The following PTCD3 variants were observed in gnomAD, a reference collection of about 807,000 sequenced individuals.
PTCD3 encodes small ribosomal subunit protein mS39.
In PTCD3, 89 loss-of-function variants were observed where a neutral mutation model predicts 101.9. That is an observed-to-expected ratio of 0.87 (90% CI 0.74 to 1.04). The LOEUF (loss-of-function observed/expected upper bound fraction) is 1.04. PTCD3 is among the 50% of genes least tolerant of loss of function. The pLI is 0.00. For missense variants in PTCD3, 870 were observed against 828.2 expected (o/e 1.05, Z -0.62); for synonymous variants, 296 against 278.5 (o/e 1.06, Z -0.63).
rs1371254331 is a variant in PTCD3 at position 86,137,525 on chromosome 2, G to C, written c.2036G>C (p.Ser679Thr). The C allele has an allele frequency of 6.2e-7, 1 of 1,613,956 alleles. No individual in the cohort carries two copies. The highest frequency in any genetic ancestry group is 2.2e-5 in the East Asian group (1 of 44,874). The change falls in exon 24 of 24, where the codon AGT becomes ACT. Residue 679 changes from serine to threonine, a missense_variant. Coordinates refer to ENST00000254630, the MANE Select transcript of PTCD3 (RefSeq NM_017952.6). ...AGTGACAGTGATACTGACAGCAGCA[G>C]TGACAGCGACAGTGACACCAGTGAA... Reference protein sequence around the residue: ...LTSDSDTDSSSDSDSDTSEGK With the variant: ...LTSDSDTDSSTDSDSDTSEGK
rs1190144960 is a variant in PTCD3 at position 86,133,497 on chromosome 2, T to C, written c.1543+61T>C. The C allele has an allele frequency of 2.8e-6, 4 of 1,440,312 alleles. No individual in the cohort carries two copies. In the African/African-American group the frequency reaches 4.2e-5, roughly 15 times the overall value. 89.2% of individuals were successfully genotyped at this position (1,440,312 alleles called of 1,614,324 possible). On this transcript the variant is annotated intron_variant, in intron 19 of 23. Coordinates refer to ENST00000254630, the MANE Select transcript of PTCD3 (RefSeq NM_017952.6). ...ACCTCAATATCCTCTACTTTGATAA[T>C]GAATGTGCTAACATTACTGTTAGGG...
chr2:86,128,102 G>A, intron 14 of PTCD3, 111 bp downstream of exon 14: 1 of 971,572 alleles, frequency 1.0e-6, no homozygotes, highest in Non-Finnish European at 1.6e-6. Context: ...TAAGAAGAGA[G>A]AATTTGTAAA....
rs56955251 is a variant in PTCD3, at chr2:86,111,175, G to GT, written c.240+26dup. The GT allele has an allele frequency of 0.035, 55,686 of 1,590,840 alleles. 1,044 individuals are homozygous for GT. Among genetic ancestry groups the GT allele is most frequent in the East Asian group, 0.12 (5,163 of 44,452 alleles). On this transcript the variant is annotated intron_variant, in intron 4 of 23. Transcript: ENST00000254630. ...GTAAACAGGGTAAGTAGGATTTTGT[G>GT]TTTTTTTTTAACCTAAAACTTGGCT...
At chr2:86,117,411 T>G (rs1674194839) in intron 6 of PTCD3, among the ~76,000 whole-genome samples, 1 of 152,126 alleles carries the variant, frequency 6.6e-6, no homozygotes, top group Admixed American at 6.5e-5. Context: ...ATTCTATGAC[T>G]GAAGTTTCCT....
chr2:86,136,678 G>A lies in PTCD3; in HGVS notation c.1820+116G>A, dbSNP rs983162011. 1.3e-4 allele frequency: 154 copies of A among 1,214,432 alleles called. No homozygotes were observed. The African/African-American group carries it at 2.0e-3, about 16-fold the overall frequency. 75.2% of individuals were successfully genotyped at this position (1,214,432 alleles called of 1,614,324 possible). A position where few individuals can be genotyped will look rare whatever the true frequency, so the allele number is the denominator to read the frequency against. The stretch of plus-strand genomic sequence containing the variant: ...CACTCTTCTGTTAGGCAAGCATACC[G>A]TCAACTCCCTACTATCCAGGGCATC... On this transcript the variant is annotated intron_variant, in intron 22 of 23. Coordinates refer to ENST00000254630, the MANE Select transcript of PTCD3 (RefSeq NM_017952.6).
chr2:86,126,207 G>A (rs1206930990), intron 12 of PTCD3, among the ~76,000 whole-genome samples: 1 of 144,192 alleles, frequency 6.9e-6, no homozygotes, highest in African/African-American at 2.5e-5. Flanking sequence ...TCCAGCCTGG[G>A]CAACAGAGCA....
chr2:86,137,052 G>A lies in PTCD3; in HGVS notation c.1891G>A (p.Val631Ile), dbSNP rs1463227128. The A allele has an allele frequency of 6.2e-7, 1 of 1,613,874 alleles. No individual in the cohort carries two copies. Among genetic ancestry groups the A allele is most frequent in the Non-Finnish European group, 8.5e-7 (1 of 1,179,936 alleles). Residue 631 changes from valine (V) to isoleucine (I), a missense_variant, in exon 23 of 24, where the codon GTA becomes ATA. Transcript: ENST00000254630. ...SNSPSQAIEV[V>I]ELASAFSLPI... ...CAGCCCTTCCCAGGCCATTGAAGTA[G>A]TAGAGCTGGCAAGTGCCTTCAGCTT...
At chr2:86,107,325 G>T (rs559809201) in intron 1 of PTCD3, 20 of 417,122 alleles carry the variant, frequency 4.8e-5, no homozygotes, top group South Asian at 1.2e-4. Flanking sequence ...AGTGTGACTT[G>T]AAAGAGTTGA....
intron 1 of PTCD3, among the ~76,000 whole-genome samples, chr2:86,108,053 G>A (rs926645690): frequency 4.6e-5 from 7 of 151,776 alleles, no homozygotes; most frequent in African/African-American, 7.3e-5. Flanking sequence ...TTGAGCCCAG[G>A]AGTTCAAGGG....
rs1309456346 is a variant in PTCD3 at position 86,111,418 on chromosome 2, C to T, written c.240+260C>T. Among the ~76,000 whole-genome samples the T allele has an allele frequency of 3.3e-5, 5 of 151,972 alleles. No homozygotes were observed. In the East Asian group the frequency reaches 9.7e-4, roughly 29 times the overall value. On this transcript the variant is annotated intron_variant, in intron 4 of 23. Transcript: ENST00000254630. ...CCTGGCTAACACAGTGAAACCCCGT[C>T]TCTACTGAAAATATAAAAAATTAGC... is the stretch of plus-strand genomic sequence containing the variant.
chr2:86,125,925 T>C (rs1298399924), intron 12 of PTCD3, 45 bp downstream of exon 12: 2 of 1,354,426 alleles, frequency 1.5e-6, no homozygotes, highest in East Asian at 2.3e-5. Flanking sequence ...GCTTAAATAC[T>C]CTTTACCAGA....
At chr2:86,112,039 A>C (rs1476389143) in intron 4 of PTCD3, 1 of 123,704 alleles carries the variant, frequency 8.1e-6, no homozygotes, top group Non-Finnish European at 1.7e-5. Flanking sequence ...CCACTGCGCC[A>C]AACTTTTTTT....
chr2:86,113,680 G>T (rs1219897371), intron 4 of PTCD3, among the ~76,000 whole-genome samples: 3 of 151,984 alleles, frequency 2.0e-5, no homozygotes, highest in African/African-American at 4.8e-5. Context: ...GGTAGTATGC[G>T]CCTGTAGTCC....
chr2:86,134,704 A>C (rs918670645), intron 20 of PTCD3, 135 bp from the exon 21 acceptor site: 46 of 1,009,704 alleles, frequency 4.6e-5, no homozygotes, highest in Non-Finnish European at 6.3e-5. Flanking sequence ...TTATTAAATT[A>C]CTTGTGTGCT....
At chr2:86,119,268 C>G in intron 7 of PTCD3, 1 of 555,780 alleles carries the variant, frequency 1.8e-6, no homozygotes. Context: ...TATTGTAGCA[C>G]TGGTAGAGAA....
At chr2:86,128,725 T>C (rs565345565) in intron 14 of PTCD3, among the ~76,000 whole-genome samples, 2 of 152,314 alleles carry the variant, frequency 1.3e-5, no homozygotes, top group Non-Finnish European at 2.9e-5. Flanking sequence ...CTCTGCTCTG[T>C]AGTAGATGGA....
chr2:86,138,380 G>A lies in PTCD3; in HGVS notation c.*821G>A, dbSNP rs902722644. 2.0e-5 allele frequency: 3 copies of A among 152,154 alleles called. No individual in the cohort carries two copies. Among genetic ancestry groups the A allele is most frequent in the African/African-American group, 4.8e-5 (2 of 41,426 alleles). 9.4% of individuals were successfully genotyped at this position (152,154 alleles called of 1,614,324 possible). A position where few individuals can be genotyped will look rare whatever the true frequency, so the allele number is the denominator to read the frequency against. ...CACTATGACTTAAGTGGTCCTGGAA[G>A]GCAGTAAGTGGAGGTTTGCAGCATT... On this transcript the variant is annotated 3_prime_UTR_variant, in exon 24 of 24. Coordinates refer to ENST00000254630, the MANE Select transcript of PTCD3 (RefSeq NM_017952.6).
At chr2:86,121,888 T>G (rs1296170799) in intron 8 of PTCD3, among the ~76,000 whole-genome samples, 1 of 152,216 alleles carries the variant, frequency 6.6e-6, no homozygotes, top group Non-Finnish European at 1.5e-5. Context: ...AATGACATGA[T>G]GTATTCTGGC....
At chr2:86,111,086 G>A (rs751976654) in intron 3 of PTCD3, 27 bp from the exon 4 acceptor site, 11 of 1,603,968 alleles carry the variant, frequency 6.9e-6, no homozygotes, top group Non-Finnish European at 9.4e-6. Context: ...GCCCTGATGA[G>A]GATTAACTTG....
Sources: gnomAD v4.1 joint callset for allele counts (sites outside exome capture counted in the v4.1 genomes callset) on GRCh38, gnomAD v4.1.1 for gene constraint, MANE v1.5 for transcripts, NCBI Gene and HGNC (gene_info 2026-07-23, HGNC 2026-07-21) for gene names.